The following SOS1 variants were observed in gnomAD, a reference collection of about 807,000 sequenced individuals.
The protein encoded by SOS1 is SOS Ras/Rac guanine nucleotide exchange factor 1, also known as son of sevenless homolog 1.
SOS1 carries 25 observed loss-of-function variants against 157.6 expected under a neutral mutation model. The observed-to-expected ratio is 0.16, with a 90% CI of 0.12 to 0.22. The LOEUF is 0.22. Among genes scored for constraint, SOS1 ranks in the 10% least tolerant of loss-of-function variants. The probability of loss-of-function intolerance (pLI) is 1.00; values close to 1 mark genes in which losing one functional copy is unlikely to be tolerated. For synonymous variants in SOS1, 528 were observed against 534.0 expected (o/e 0.99, Z 0.16); for missense variants, 1,237 against 1,599.1 (o/e 0.77, Z 3.86).
chr2:39,089,153 C>T (rs572645764), intron 1 of SOS1, among the ~76,000 whole-genome samples: 2 of 152,224 alleles, frequency 1.3e-5, no homozygotes, highest in South Asian at 4.1e-4. Context: ...CTTCATAAAA[C>T]ACTGATTCAA....
At chr2:39,016,181 G>C (rs1669623567) in intron 10 of SOS1, among the ~76,000 whole-genome samples, 1 of 151,790 alleles carries the variant, frequency 6.6e-6, no homozygotes, top group Non-Finnish European at 1.5e-5. Flanking sequence ...ATTGATATGT[G>C]GTCATCGAGA....
Position 39,030,299 on chromosome 2 carries a change from C to T in SOS1, c.1074+4913G>A, listed in dbSNP as rs116407053. Among the ~76,000 whole-genome samples, 558 of 149,314 alleles carry T rather than the reference C, an allele frequency of 3.7e-3. 2 individuals are homozygous for T. The highest frequency in any genetic ancestry group is 0.013 in the African/African-American group (528 of 40,606). ...AAAGAAAAGGCTGGGTGCATTGGCTCATGCCATTAACCCCAGCACTTTCGG... is the reference window on the plus strand; with the variant it reads ...AAAGAAAAGGCTGGGTGCATTGGCTTATGCCATTAACCCCAGCACTTTCGG... On this transcript the variant is annotated intron_variant, in intron 8 of 22. Transcript: ENST00000402219.
At chr2:39,101,983 G>A (rs1041136666) in intron 1 of SOS1, among the ~76,000 whole-genome samples, 9 of 151,534 alleles carry the variant, frequency 5.9e-5, no homozygotes, top group African/African-American at 1.7e-4. Flanking sequence ...TGAGGTGGGC[G>A]GATCACTAGG....
At chr2:39,058,651 G>T (rs1451275910) in intron 3 of SOS1, 22 bp downstream of exon 3, 1 of 1,610,882 alleles carries the variant, frequency 6.2e-7, no homozygotes, top group Non-Finnish European at 8.5e-7. Flanking sequence ...TAAAAGGCAA[G>T]AAGGCAGTAG....
At chr2:39,115,817 T>A (rs948965179) in intron 1 of SOS1, among the ~76,000 whole-genome samples, 4 of 152,220 alleles carry the variant, frequency 2.6e-5, no homozygotes, top group African/African-American at 7.2e-5. Flanking sequence ...TTGACGAACA[T>A]TGGATTTTTT....
intron 20 of SOS1, among the ~76,000 whole-genome samples, chr2:38,990,371 G>A (rs952623872): frequency 6.6e-6 from 1 of 151,978 alleles, no homozygotes; most frequent in African/African-American, 2.4e-5. Flanking sequence ...TAGCAATCCA[G>A]CTAATTCTAA....
At chr2:38,987,673 T>C in intron 21 of SOS1, 82 bp from the exon 22 acceptor site, 1 of 755,474 alleles carries the variant, frequency 1.3e-6, no homozygotes, top group East Asian at 2.6e-5. Flanking sequence ...AGCTGGAAAT[T>C]GCTTATAATT....
In SOS1 at chr2:39,001,621, A is replaced by G. The variant is rs527244595; in HGVS notation, c.2792-4196T>C. Among the ~76,000 whole-genome samples the G allele has an allele frequency of 5.9e-5, 9 of 152,342 alleles. No individual in the cohort carries two copies. In the South Asian group the frequency reaches 1.0e-3, roughly 18 times the overall value. ...TGAAAACCAGTATCCAGAATTTAGG[A>G]AAAGAATCTGGAAGGAGTTTCTATA... On this transcript the variant is annotated intron_variant, in intron 17 of 22. Coordinates refer to ENST00000402219, the MANE Select transcript of SOS1 (RefSeq NM_005633.4).
chr2:39,075,847 T>C (rs1265804619), intron 1 of SOS1, among the ~76,000 whole-genome samples: 1 of 152,094 alleles, frequency 6.6e-6, no homozygotes, highest in East Asian at 1.9e-4. Context: ...TTTGAACATT[T>C]AGGTAAAGTG....
intron 6 of SOS1, among the ~76,000 whole-genome samples, chr2:39,041,308 T>A (rs1284262653): frequency 6.6e-6 from 1 of 152,240 alleles, no homozygotes; most frequent in African/African-American, 2.4e-5. Flanking sequence ...TAATTTCTAA[T>A]GATGTTGAGC....
At chr2:39,123,555 G>A (rs1042289560), upstream of SOS1, among the ~76,000 whole-genome samples, 80 of 151,584 alleles carry the variant, frequency 5.3e-4, no homozygotes, top group Admixed American at 3.2e-3. Flanking sequence ...GTGGGGTTTC[G>A]CTAGGTTGGC....
intron 10 of SOS1, among the ~76,000 whole-genome samples, chr2:39,018,160 A>G (rs537798598): frequency 2.6e-5 from 4 of 152,038 alleles, no homozygotes; most frequent in African/African-American, 9.6e-5. Context: ...ACATAAGCAA[A>G]AACATATAAT....
intron 1 of SOS1, among the ~76,000 whole-genome samples, chr2:39,115,401 TCTCTC>T (rs1247869125): frequency 2.8e-5 from 3 of 107,054 alleles, no homozygotes; most frequent in Admixed American, 1.1e-4. Context: ...AAATTTGTTC[TCTCTC>T]TTTTTTTTTT....
At chr2:39,069,817 G>C (rs1445530155) in intron 1 of SOS1, among the ~76,000 whole-genome samples, 1 of 152,100 alleles carries the variant, frequency 6.6e-6, no homozygotes, top group Non-Finnish European at 1.5e-5. Context: ...CAAAGTGCTG[G>C]GATTACAGGC....
intron 1 of SOS1, among the ~76,000 whole-genome samples, chr2:39,086,666 C>T (rs1672387895): frequency 6.6e-6 from 1 of 152,146 alleles, no homozygotes; most frequent in African/African-American, 2.4e-5. Context: ...TAGTGTAAAA[C>T]AGGAACACTA....
chr2:39,104,909 G>T, intron 1 of SOS1, among the ~76,000 whole-genome samples: 1 of 152,190 alleles, frequency 6.6e-6, no homozygotes, highest in South Asian at 2.1e-4. Context: ...TAGGGATTGG[G>T]AAAGAATAGA....
chr2:39,033,952 AC>A (rs1011659370), intron 8 of SOS1, among the ~76,000 whole-genome samples: 1 of 152,188 alleles, frequency 6.6e-6, no homozygotes, highest in Non-Finnish European at 1.5e-5. Context: ...TATTAGAGAA[AC>A]CATTACAAAG....
intron 3 of SOS1, among the ~76,000 whole-genome samples, chr2:39,058,225 A>G (rs867391156): frequency 1.3e-5 from 2 of 152,022 alleles, no homozygotes; most frequent in Admixed American, 1.3e-4. Context: ...TATTTACATG[A>G]TAAGTAGGAC....
intron 2 of SOS1, among the ~76,000 whole-genome samples, chr2:39,060,023 G>A (rs971640734): frequency 6.6e-6 from 1 of 152,078 alleles, no homozygotes; most frequent in African/African-American, 2.4e-5. Context: ...ATATTGAGGA[G>A]GCATCGCAGG....
Sources: allele counts gnomAD v4.1 joint callset (sites outside exome capture counted in the v4.1 genomes callset), GRCh38; gene constraint gnomAD v4.1.1; transcripts MANE v1.5; gene names NCBI Gene and HGNC (gene_info 2026-07-23, HGNC 2026-07-21).